Variants in FARP1 observed in about 807,000 individuals in gnomAD.
FARP1 encodes FERM, ARH/RhoGEF and pleckstrin domain protein 1, also known as FERM, ARHGEF and pleckstrin domain-containing protein 1.
FARP1 carries 52 observed loss-of-function variants against 128.8 expected under a neutral mutation model. The ratio of observed to expected loss-of-function variants is 0.40; its 90% CI spans 0.32 to 0.51. The LOEUF is 0.51. FARP1 is among the 20% of genes least tolerant of loss of function. FARP1 has a pLI of 0.45. For synonymous variants in FARP1, 580 were observed against 551.8 expected (o/e 1.05, Z -0.72); for missense variants, 1,333 against 1,367.9 (o/e 0.97, Z 0.40).
intron 1 of FARP1, among the ~76,000 whole-genome samples, chr13:98,157,743 T>C (rs138456365): frequency 6.6e-6 from 1 of 152,352 alleles, no homozygotes; most frequent in East Asian, 1.9e-4. Context: ...TCAGGAAGTT[T>C]TTCCTCACTT....
chr13:98,357,014 G>C (rs571307667), intron 3 of FARP1, among the ~76,000 whole-genome samples: 9 of 152,192 alleles, frequency 5.9e-5, no homozygotes, highest in Middle Eastern at 3.4e-3. Context: ...AGCCACTTCA[G>C]TTTTTAAATT....
chr13:98,314,766 C>G (rs1886649407), intron 2 of FARP1, among the ~76,000 whole-genome samples: 1 of 152,186 alleles, frequency 6.6e-6, no homozygotes, highest in Non-Finnish European at 1.5e-5. Context: ...CCACGAATAA[C>G]CCAGCTCTTG....
chr13:98,230,653 C>T (rs1385697984), intron 2 of FARP1, among the ~76,000 whole-genome samples: 2 of 151,900 alleles, frequency 1.3e-5, no homozygotes, highest in Non-Finnish European at 2.9e-5. Flanking sequence ...TTAATAAAAC[C>T]AGAATATATT....
chr13:98,237,890 GA>G (rs1012558357), intron 2 of FARP1, among the ~76,000 whole-genome samples: 3 of 152,164 alleles, frequency 2.0e-5, no homozygotes, highest in African/African-American at 7.2e-5. Flanking sequence ...CAGCAGGTCT[GA>G]AAACCTTGTG....
chr13:98,193,025 A>G (rs1879337016), intron 1 of FARP1, among the ~76,000 whole-genome samples: 1 of 151,482 alleles, frequency 6.6e-6, no homozygotes, highest in Admixed American at 6.6e-5. Context: ...TCTTCCAATA[A>G]TTATGGTTGC....
In FARP1 at chr13:98,379,164, T is replaced by A. The variant is rs1464054917; in HGVS notation, c.496+1246T>A. Reference sequence around the variant, plus strand: ...TAATCTATATATAATATATATATAATATATAATCTATATATAATATATATA... The same window carrying A: ...TAATCTATATATAATATATATATAAAATATAATCTATATATAATATATATA... On this transcript the variant is annotated intron_variant, in intron 6 of 26. Transcript: ENST00000319562. Among the ~76,000 whole-genome samples the A allele has an allele frequency of 2.6e-5, 3 of 115,422 alleles. 1 individual carries two copies. The highest frequency in any genetic ancestry group is 3.4e-5 in the Non-Finnish European group (2 of 59,682). The allele number at this position is 115,422 out of a possible 152,430, so 75.7% of individuals were successfully genotyped here.
At chr13:98,297,331 C>G (rs1207186963) in intron 2 of FARP1, among the ~76,000 whole-genome samples, 1 of 152,200 alleles carries the variant, frequency 6.6e-6, no homozygotes, top group Non-Finnish European at 1.5e-5. Context: ...TTACCTCTCT[C>G]GAAGCCATCT....
intron 16 of FARP1, 61 bp from the exon 17 acceptor site, chr13:98,424,511 C>A: frequency 9.4e-7 from 1 of 1,068,754 alleles, no homozygotes; most frequent in Non-Finnish European, 1.5e-6. Flanking sequence ...ATATTTGTAA[C>A]CCAGGGCTGT....
intron 2 of FARP1, among the ~76,000 whole-genome samples, chr13:98,277,107 A>AATACACACACACACACACACAC (rs1884688719): frequency 6.6e-5 from 1 of 15,256 alleles, no homozygotes; most frequent in Admixed American, 7.2e-4. Context: ...GCTCTAGAAA[A>AATACACACACACACACACACAC]ATACACACAC....
At chr13:98,263,530 A>G (rs1000899561) in intron 2 of FARP1, among the ~76,000 whole-genome samples, 4 of 152,248 alleles carry the variant, frequency 2.6e-5, no homozygotes, top group Non-Finnish European at 5.9e-5. Flanking sequence ...TATGCTCACT[A>G]TTGAAAATTT....
At chr13:98,429,267 G>T (rs897003229) in intron 17 of FARP1, among the ~76,000 whole-genome samples, 2 of 152,220 alleles carry the variant, frequency 1.3e-5, no homozygotes, top group Non-Finnish European at 2.9e-5. Flanking sequence ...CTCAGCAGGG[G>T]TCACTGTGTG....
intron 2 of FARP1, among the ~76,000 whole-genome samples, chr13:98,275,375 A>G (rs1207062912): frequency 1.1e-4 from 14 of 122,482 alleles, no homozygotes; most frequent in Admixed American, 5.5e-4. Context: ...GATAATATTT[A>G]TATATTTTTA....
chr13:98,148,026 A>T (rs1875699319), intron 1 of FARP1, among the ~76,000 whole-genome samples: 1 of 152,122 alleles, frequency 6.6e-6, no homozygotes, highest in Non-Finnish European at 1.5e-5. Context: ...TTTCATTCTA[A>T]TTTAGCAATT....
chr13:98,154,304 T>C (rs925791135), intron 1 of FARP1, among the ~76,000 whole-genome samples: 1 of 152,246 alleles, frequency 6.6e-6, no homozygotes, highest in African/African-American at 2.4e-5. Flanking sequence ...AGTGAAATCC[T>C]TGTCAGCACT....
Position 98,236,327 on chromosome 13 carries a change from A to G in FARP1, c.171+22914A>G, listed in dbSNP as rs77419022. On this transcript the variant is annotated intron_variant, in intron 2 of 26. Coordinates refer to ENST00000319562, the MANE Select transcript of FARP1 (RefSeq NM_005766.4). The stretch of plus-strand genomic sequence containing the variant: ...CTTACGAAAAAGAACTATGCTTCCA[A>G]ACACGATTTAATTAAAACCATGTAA... Among the ~76,000 whole-genome samples the G allele has an allele frequency of 1.8e-4, 27 of 152,340 alleles. No homozygotes were observed. In the East Asian group the frequency reaches 5.2e-3, roughly 29 times the overall value.
intron 2 of FARP1, among the ~76,000 whole-genome samples, chr13:98,281,002 A>G (rs1884909871): frequency 6.6e-6 from 1 of 152,250 alleles, no homozygotes; most frequent in Non-Finnish European, 1.5e-5. Context: ...ACTTTTTTGG[A>G]CAATTATGTA....
chr13:98,190,292 T>C (rs1313817594), intron 1 of FARP1, among the ~76,000 whole-genome samples: 1 of 152,248 alleles, frequency 6.6e-6, no homozygotes, highest in Non-Finnish European at 1.5e-5. Context: ...ATTCCTGCAT[T>C]GTACCTCCAC....
intron 2 of FARP1, among the ~76,000 whole-genome samples, chr13:98,309,152 CCT>C (rs1886326172): frequency 1.4e-4 from 15 of 106,194 alleles, no homozygotes; most frequent in African/African-American, 5.2e-4. Flanking sequence ...TTTTAAGAGG[CCT>C]TTTTTTTTTT....
At chr13:98,411,820 C>A in intron 15 of FARP1, 81 bp from the exon 16 acceptor site, 2 of 1,488,344 alleles carry the variant, frequency 1.3e-6, no homozygotes, top group Non-Finnish European at 1.8e-6. Context: ...GTGCATTTGG[C>A]TGCATGTGAC....
Sources: allele counts gnomAD v4.1 joint callset (sites outside exome capture counted in the v4.1 genomes callset), GRCh38; gene constraint gnomAD v4.1.1; transcripts MANE v1.5; gene names NCBI Gene and HGNC (gene_info 2026-07-23, HGNC 2026-07-21).